Variants in TG observed in about 807,000 individuals in gnomAD.
TG encodes the protein thyroid hormones.
Under a neutral mutation model 324.7 loss-of-function variants are expected in TG, and 270 were observed. The observed-to-expected ratio is 0.83, with a 90% CI of 0.75 to 0.92. The LOEUF (loss-of-function observed/expected upper bound fraction) is 0.92. Ranked by LOEUF, TG falls within the 40% of genes least tolerant of loss-of-function variation. The pLI, the probability that TG is intolerant of heterozygous loss-of-function variation, is 0.00. For synonymous variants in TG, 1,401 were observed against 1,327.0 expected (o/e 1.06, Z -1.21); for missense variants, 3,591 against 3,456.4 (o/e 1.04, Z -0.98).
At chr8:132,884,345 T>C (rs1000211200) in intron 8 of TG, among the ~76,000 whole-genome samples, 2 of 152,206 alleles carry the variant, frequency 1.3e-5, no homozygotes, top group Non-Finnish European at 2.9e-5. Context: ...TGGTGAAATT[T>C]TGAAGGATGT....
intron 41 of TG, among the ~76,000 whole-genome samples, chr8:133,062,882 TGCACAGGCTGCTCTGCTAC>T (rs1842579977): frequency 6.6e-6 from 1 of 152,158 alleles, no homozygotes; most frequent in South Asian, 2.1e-4. Flanking sequence ...GTGTGTGACA[TGCACAGGCTGCTCTGCTAC>T]GCACAGGCCT....
At chr8:133,106,313 G>C in intron 43 of TG, 1 of 741,288 alleles carries the variant, frequency 1.3e-6, no homozygotes, top group Non-Finnish European at 1.6e-6. Flanking sequence ...AAGCAGCGCT[G>C]AGGGGCCAGT....
At chr8:132,877,236 C>T (rs560889898) in intron 5 of TG, among the ~76,000 whole-genome samples, 23 of 152,188 alleles carry the variant, frequency 1.5e-4, no homozygotes, top group African/African-American at 5.3e-4. Context: ...GCCTCCCAAG[C>T]TGAAACAATT....
chr8:133,043,150 G>T (rs1490713723), intron 41 of TG, among the ~76,000 whole-genome samples: 2 of 152,116 alleles, frequency 1.3e-5, no homozygotes, highest in African/African-American at 4.8e-5. Context: ...GTGGTTCGAT[G>T]ACCAGGAACA....
At chr8:133,000,375 G>A (rs1710062691) in intron 35 of TG, among the ~76,000 whole-genome samples, 1 of 152,206 alleles carries the variant, frequency 6.6e-6, no homozygotes, top group African/African-American at 2.4e-5. Flanking sequence ...AGCAAACTGT[G>A]ACTCTCACTG....
rs566763602 is a variant in TG, at chr8:132,889,943, AT to A, written c.2761+1385del. On this transcript the variant is annotated intron_variant, in intron 10 of 47. Transcript: ENST00000220616. ...AGGTGCCTGCCACCACACCCAGCTA[AT>A]TTTTTTTTTGTACTTTTAGTAGAGA... 5.6e-4 allele frequency among the ~76,000 whole-genome samples: 84 copies of A among 148,802 alleles called. 2 individuals carry two copies. The highest frequency in any genetic ancestry group is 1.7e-3 in the South Asian group (8 of 4,700).
chr8:133,066,368 C>G (rs1010330559), intron 41 of TG, among the ~76,000 whole-genome samples: 2 of 136,236 alleles, frequency 1.5e-5, no homozygotes, highest in African/African-American at 5.4e-5. Flanking sequence ...TGGAACAAAA[C>G]AAAAGAAAAG....
intron 45 of TG, among the ~76,000 whole-genome samples, chr8:133,121,168 A>T (rs1398689350): frequency 6.6e-6 from 1 of 152,186 alleles, no homozygotes; most frequent in African/African-American, 2.4e-5. Flanking sequence ...TCAGGAAATC[A>T]TACCGAAGGA....
At chr8:133,071,402 G>A (rs1156522089) in intron 41 of TG, among the ~76,000 whole-genome samples, 2 of 152,336 alleles carry the variant, frequency 1.3e-5, no homozygotes, top group East Asian at 3.9e-4. Flanking sequence ...TTAGGCCTGA[G>A]GAAAGGGATG....
chr8:133,064,115 T>C (rs2703010), intron 41 of TG: 30,914 of 152,180 alleles, frequency 0.2, 3,283 homozygotes, highest in Non-Finnish European at 0.22. Flanking sequence ...TATTACCTTA[T>C]TTTCCCTCCG....
intron 41 of TG, among the ~76,000 whole-genome samples, chr8:133,077,532 G>A (rs906384761): frequency 1.3e-5 from 2 of 152,190 alleles, no homozygotes; most frequent in African/African-American, 4.8e-5. Context: ...TGGGCACTGT[G>A]CTATCCCAAA....
At position 133,095,170 on chromosome 8, in the gene TG, C is replaced by T. The variant is rs1004244765; in HGVS notation, c.7366C>T (p.Gln2456Ter). ...CCAAGAAGTGGTGTCCTGCCTCCGC[C>T]AGAAGCCTGCCAATGTCCTCAATGA... The part of the protein sequence containing the change: ...SSQEVVSCLR[Q>*]KPANVLNDAQ... Residue 2456 changes from glutamine to a stop codon, truncating the protein, a stop_gained, in exon 42 of 48, where the codon CAG becomes TAG. Coordinates refer to ENST00000220616, the MANE Select transcript of TG (RefSeq NM_003235.5). LOFTEE classifies it high-confidence loss of function. 1.9e-6 allele frequency: 3 copies of T among 1,614,214 alleles called. No individual in the cohort carries two copies. The highest frequency in any genetic ancestry group is 2.5e-6 in the Non-Finnish European group (3 of 1,180,038).
intron 22 of TG, among the ~76,000 whole-genome samples, chr8:132,924,979 C>G (rs1362312653): frequency 6.6e-6 from 1 of 152,166 alleles, no homozygotes; most frequent in Non-Finnish European, 1.5e-5. Context: ...CCACCTTTCC[C>G]TGGAGCCACC....
chr8:132,991,469 T>G (rs562169838), intron 35 of TG, among the ~76,000 whole-genome samples: 1 of 152,316 alleles, frequency 6.6e-6, no homozygotes, highest in South Asian at 2.1e-4. Flanking sequence ...CCAAAATTGT[T>G]TAGTGTTTGT....
chr8:133,070,137 CA>C (rs1843777105), intron 41 of TG, among the ~76,000 whole-genome samples: 1 of 151,824 alleles, frequency 6.6e-6, no homozygotes, highest in Non-Finnish European at 1.5e-5. Context: ...ATCAATGTTT[CA>C]GGGGGAAAAA....
At chr8:133,073,509 C>T (rs1156547044) in intron 41 of TG, among the ~76,000 whole-genome samples, 2 of 152,020 alleles carry the variant, frequency 1.3e-5, no homozygotes, top group East Asian at 3.9e-4. Context: ...TTACAGGCAC[C>T]CGCCACCAAG....
intron 29 of TG, chr8:132,964,814 G>A: frequency 1.5e-6 from 1 of 687,788 alleles, no homozygotes; most frequent in Non-Finnish European, 2.6e-6. Flanking sequence ...GTGTGGCAAG[G>A]GATGCAATGT....
In TG at chr8:133,022,111, G is replaced by A; in HGVS notation, c.6997G>A (p.Ala2333Thr). The A allele has an allele frequency of 1.9e-6, 3 of 1,614,134 alleles. No individual in the cohort carries two copies. Among genetic ancestry groups the A allele is most frequent in the Non-Finnish European group, 2.5e-6 (3 of 1,180,030 alleles). ...TGTTGGCAACCTCATCGTGGTCACT[G>A]CCAGCTACCGAGTGGGTGTCTTCGG... ...AAVGNLIVVT[A>T]SYRVGVFGFL... The change falls in exon 40 of 48, where the codon GCC (alanine) becomes ACC (threonine). Residue 2333 changes from alanine (A) to threonine (T), a missense_variant. By Grantham distance (58) the Ala-to-Thr change is moderately conservative. Coordinates refer to ENST00000220616, the MANE Select transcript of TG (RefSeq NM_003235.5).
chr8:133,103,409 C>T (rs1046320231), intron 43 of TG, among the ~76,000 whole-genome samples: 6 of 152,054 alleles, frequency 3.9e-5, no homozygotes, highest in South Asian at 4.1e-4. Context: ...TCACAGCTGA[C>T]GCTTACACGT....
Sources: gnomAD v4.1 joint callset for allele counts (sites outside exome capture counted in the v4.1 genomes callset) on GRCh38, gnomAD v4.1.1 for gene constraint, MANE v1.5 for transcripts, NCBI Gene and HGNC (gene_info 2026-07-23, HGNC 2026-07-21) for gene names.